CTNNA3: variants seen among roughly 807,000 people sequenced by gnomAD.
The protein encoded by CTNNA3 is catenin alpha 3.
Under a neutral mutation model 95.7 loss-of-function variants are expected in CTNNA3, and 76 were observed. The ratio of observed to expected loss-of-function variants is 0.79; its 90% CI spans 0.66 to 0.96. The LOEUF (loss-of-function observed/expected upper bound fraction) is 0.96. Among genes scored for constraint, CTNNA3 ranks in the 40% least tolerant of loss-of-function variants. The pLI is 0.00. For missense variants in CTNNA3, 1,191 were observed against 1,089.8 expected (o/e 1.09, Z -1.31); for synonymous variants, 431 against 374.4 (o/e 1.15, Z -1.74).
intron 5 of CTNNA3, among the ~76,000 whole-genome samples, chr10:67,314,048 A>G (rs954590445): frequency 8.5e-5 from 13 of 152,188 alleles, no homozygotes; most frequent in African/African-American, 3.1e-4. Flanking sequence ...ACCTGGAATA[A>G]TATCACTTTT....
intron 6 of CTNNA3, among the ~76,000 whole-genome samples, chr10:67,211,021 C>T (rs1485474300): frequency 6.6e-6 from 1 of 152,174 alleles, no homozygotes; most frequent in South Asian, 2.1e-4. Context: ...AAGAGTTGTG[C>T]TAGCTTTTAT....
At chr10:67,460,420 T>A (rs1014828252) in intron 5 of CTNNA3, among the ~76,000 whole-genome samples, 60 of 152,316 alleles carry the variant, frequency 3.9e-4, no homozygotes, top group East Asian at 2.5e-3. Context: ...GAGAATTTTT[T>A]AAAAATTAAA....
At chr10:66,212,118 T>A (rs979578682) in intron 13 of CTNNA3, among the ~76,000 whole-genome samples, 6 of 151,202 alleles carry the variant, frequency 4.0e-5, no homozygotes, top group Admixed American at 6.6e-5. Flanking sequence ...GCCTCCTGAG[T>A]AGCTAGGGTT....
chr10:66,265,182 C>T (rs1401084248), intron 13 of CTNNA3, among the ~76,000 whole-genome samples: 4 of 151,962 alleles, frequency 2.6e-5, no homozygotes, highest in African/African-American at 9.7e-5. Context: ...TATTGGCCAA[C>T]AAACCTATTA....
chr10:66,676,042 C>T (rs918700694), intron 9 of CTNNA3, among the ~76,000 whole-genome samples: 43 of 151,982 alleles, frequency 2.8e-4, no homozygotes, highest in South Asian at 8.3e-4. Flanking sequence ...TTTTGTACAA[C>T]GGAGGATTTA....
intron 13 of CTNNA3, among the ~76,000 whole-genome samples, chr10:66,239,075 G>T (rs2089990782): frequency 6.6e-6 from 1 of 151,654 alleles, no homozygotes; most frequent in Admixed American, 6.6e-5. Flanking sequence ...CAAGAGTTAA[G>T]CAATGGCAAA....
intron 13 of CTNNA3, among the ~76,000 whole-genome samples, chr10:66,144,690 G>C (rs550416823): frequency 1.3e-5 from 2 of 152,236 alleles, no homozygotes; most frequent in East Asian, 3.9e-4. Context: ...GTTTCTCCAT[G>C]TTGGTCAGGC....
At chr10:67,235,722 C>T (rs1865420770) in intron 5 of CTNNA3, among the ~76,000 whole-genome samples, 1 of 143,574 alleles carries the variant, frequency 7.0e-6, no homozygotes, top group African/African-American at 2.7e-5. Context: ...TCAGAGTGAA[C>T]AGGCAACCTA....
intron 5 of CTNNA3, among the ~76,000 whole-genome samples, chr10:67,260,046 T>A (rs184027935): frequency 6.0e-4 from 91 of 152,292 alleles, no homozygotes; most frequent in African/African-American, 2.0e-3. Flanking sequence ...CCCTAAAGAA[T>A]AAACTAATCA....
At chr10:67,433,109 T>C (rs1294844977) in intron 5 of CTNNA3, among the ~76,000 whole-genome samples, 2 of 152,114 alleles carry the variant, frequency 1.3e-5, no homozygotes, top group African/African-American at 4.8e-5. Flanking sequence ...TAACTATTTT[T>C]AGCTTTTTAC....
Position 65,914,239 on chromosome 10 carries a change from A to G in CTNNA3, c.*6091T>C, listed in dbSNP as rs1337677988. 1 of 152,156 alleles carries G rather than the reference A, an allele frequency of 6.6e-6. No individual in the cohort carries two copies. The highest frequency in any genetic ancestry group is 6.6e-5 in the Admixed American group (1 of 15,264). 9.4% of individuals were successfully genotyped at this position (152,156 alleles called of 1,614,324 possible). ...TTCTCCTTGAGGGCTTTCCTTTCCT[A>G]CAGTTGGGAATAGGCACCATCATGA... On this transcript the variant is annotated 3_prime_UTR_variant, in exon 18 of 18. Coordinates refer to ENST00000433211, the MANE Select transcript of CTNNA3 (RefSeq NM_013266.4).
chr10:66,202,982 A>T (rs1314318623), intron 13 of CTNNA3, among the ~76,000 whole-genome samples: 1 of 152,210 alleles, frequency 6.6e-6, no homozygotes, highest in Non-Finnish European at 1.5e-5. Flanking sequence ...ATGGACTAGA[A>T]ATGTAAATAT....
chr10:66,247,124 G>GA (rs1269846390), intron 13 of CTNNA3, among the ~76,000 whole-genome samples: 2 of 150,032 alleles, frequency 1.3e-5, no homozygotes, highest in South Asian at 2.1e-4. Context: ...GGAGATAAAT[G>GA]AAAAAAATGT....
At chr10:66,164,558 A>G (rs1236632839) in intron 13 of CTNNA3, among the ~76,000 whole-genome samples, 1 of 151,964 alleles carries the variant, frequency 6.6e-6, no homozygotes, top group Non-Finnish European at 1.5e-5. Context: ...CCCCTCAGAC[A>G]CATAGCAATA....
intron 11 of CTNNA3, among the ~76,000 whole-genome samples, chr10:66,408,119 A>G (rs1393028804): frequency 2.6e-5 from 4 of 152,196 alleles, no homozygotes; most frequent in African/African-American, 9.7e-5. Flanking sequence ...AAATGCCTAC[A>G]CATAGCTTCA....
At chr10:66,840,192 A>T (rs916889338) in intron 7 of CTNNA3, among the ~76,000 whole-genome samples, 19 of 152,168 alleles carry the variant, frequency 1.2e-4, no homozygotes, top group African/African-American at 4.6e-4. Flanking sequence ...CCCAGATCAG[A>T]GTAGACTGAC....
chr10:66,783,907 T>G lies in CTNNA3; in HGVS notation c.1048-8383A>C, dbSNP rs942086670. ...GTTTCCCAAGCCAGGTTTTCATAGTTTAATAATACTCAGTATGTCAAACTT... is the reference window on the plus strand; with the variant it reads ...GTTTCCCAAGCCAGGTTTTCATAGTGTAATAATACTCAGTATGTCAAACTT... On this transcript the variant is annotated intron_variant, in intron 7 of 17. Coordinates refer to ENST00000433211, the MANE Select transcript of CTNNA3 (RefSeq NM_013266.4). Among the ~76,000 whole-genome samples, 4 of 152,238 alleles carry G rather than the reference T, an allele frequency of 2.6e-5. No individual in the cohort carries two copies. The East Asian group carries it at 7.7e-4, about 29-fold the overall frequency.
At chr10:66,138,688 A>G (rs912092730) in intron 13 of CTNNA3, among the ~76,000 whole-genome samples, 20 of 152,224 alleles carry the variant, frequency 1.3e-4, no homozygotes, top group Non-Finnish European at 2.6e-4. Flanking sequence ...TACAAAATAC[A>G]AAAATATTAA....
intron 7 of CTNNA3, among the ~76,000 whole-genome samples, chr10:67,076,358 C>A (rs1297822537): frequency 1.3e-5 from 2 of 152,226 alleles, no homozygotes; most frequent in Non-Finnish European, 2.9e-5. Flanking sequence ...GTAGGGCTGG[C>A]AGCTTGTTCA....
Sources: gnomAD v4.1 joint callset for allele counts (sites outside exome capture counted in the v4.1 genomes callset) on GRCh38, gnomAD v4.1.1 for gene constraint, MANE v1.5 for transcripts, NCBI Gene and HGNC (gene_info 2026-07-23, HGNC 2026-07-21) for gene names.